NTN4: variants seen among roughly 807,000 people sequenced by gnomAD.
NTN4 encodes netrin 4.
NTN4 carries 32 observed loss-of-function variants against 73.6 expected under a neutral mutation model. That is an observed-to-expected ratio of 0.44 (90% confidence interval 0.33 to 0.58). The LOEUF (loss-of-function observed/expected upper bound fraction) is 0.58, where lower values mean the gene tolerates loss of function less well. Ranked by LOEUF, NTN4 falls within the 20% of genes least tolerant of loss-of-function variation. The pLI is 0.04. For missense variants in NTN4, 654 were observed against 798.3 expected (o/e 0.82, Z 2.18); for synonymous variants, 258 against 287.5 (o/e 0.90, Z 1.04).
intron 2 of NTN4, among the ~76,000 whole-genome samples, chr12:95,773,314 T>A (rs2079070504): frequency 6.6e-6 from 1 of 152,190 alleles, no homozygotes; most frequent in Admixed American, 6.5e-5. Context: ...TCCAATGGCT[T>A]CTAATATCAC....
intron 5 of NTN4, among the ~76,000 whole-genome samples, chr12:95,698,343 A>G (rs150838264): frequency 1.3e-5 from 2 of 152,270 alleles, no homozygotes; most frequent in Admixed American, 6.5e-5. Flanking sequence ...TTCTTTATGC[A>G]CCTTCTAATT....
intron 2 of NTN4, among the ~76,000 whole-genome samples, chr12:95,748,189 C>A (rs2078875598): frequency 6.9e-6 from 1 of 144,482 alleles, no homozygotes; most frequent in African/African-American, 2.6e-5. Context: ...CGAGATCATG[C>A]CACTGCAATC....
rs549785808 is a variant in NTN4 at position 95,709,553 on chromosome 12, T to G, written c.1180+888A>C. On this transcript the variant is annotated intron_variant, in intron 5 of 9. Transcript: ENST00000343702. ...CTCTCTCTCTCTCTTTTTTTTTTTT[T>G]GGAAAGGTTTGGCTCTATTGCTCAG... is the stretch of plus-strand genomic sequence containing the variant. Among the ~76,000 whole-genome samples, 1,014 of 146,520 alleles carry G rather than the reference T, an allele frequency of 6.9e-3. 17 individuals are homozygous for G. Among genetic ancestry groups the G allele is most frequent in the African/African-American group, 0.024 (944 of 39,160 alleles).
At chr12:95,703,885 G>A (rs1470485364) in intron 5 of NTN4, among the ~76,000 whole-genome samples, 3 of 152,136 alleles carry the variant, frequency 2.0e-5, no homozygotes, top group Non-Finnish European at 2.9e-5. Flanking sequence ...TAAATTAAGT[G>A]CATAGAACCC....
intron 9 of NTN4, chr12:95,665,569 A>G: frequency 3.3e-6 from 1 of 302,590 alleles, no homozygotes; most frequent in Admixed American, 4.9e-5. Flanking sequence ...CTCCTCTTTT[A>G]GGATAGAGAG....
chr12:95,772,960 A>G (rs921920881), intron 2 of NTN4, among the ~76,000 whole-genome samples: 2 of 149,888 alleles, frequency 1.3e-5, no homozygotes, highest in Non-Finnish European at 3.0e-5. Flanking sequence ...TCACCCCACC[A>G]CTTAAAATCT....
intron 5 of NTN4, among the ~76,000 whole-genome samples, chr12:95,701,997 T>A (rs1225894300): frequency 6.6e-6 from 1 of 151,982 alleles, no homozygotes; most frequent in African/African-American, 2.4e-5. Context: ...CTGGACAAAC[T>A]GGCTGGGCGC....
chr12:95,715,302 T>C (rs2078597185), intron 3 of NTN4, among the ~76,000 whole-genome samples: 1 of 152,222 alleles, frequency 6.6e-6, no homozygotes, highest in African/African-American at 2.4e-5. Context: ...ATGAAAATTA[T>C]AGAAGTTCTT....
rs199735197 is a variant in NTN4 at position 95,710,441 on chromosome 12, G to A, written c.1180C>T (p.Pro394Ser). The A allele has an allele frequency of 6.2e-5, 100 of 1,610,872 alleles. No homozygotes were observed. In the African/African-American group the frequency reaches 7.5e-4, roughly 12 times the overall value. The change falls in exon 5 of 10, where the codon CCG becomes TCG. Residue 394 changes from proline to serine, a missense_variant and splice_region_variant. Physicochemically the swap from Pro to Ser is moderately conservative, Grantham distance 74. Coordinates refer to ENST00000343702, the MANE Select transcript of NTN4 (RefSeq NM_021229.4). ...TTTCTGGAAACCACAGGTTACTTACGTTTGCAAGCATCTGGAGCTGAGAAG... is the reference window on the plus strand; with the variant it reads ...TTTCTGGAAACCACAGGTTACTTACATTTGCAAGCATCTGGAGCTGAGAAG... ...RPFSAPDACK[P>S]CSCHPVGSAV...
chr12:95,774,570 CTTTGT>C (rs1334604051), intron 2 of NTN4, among the ~76,000 whole-genome samples: 1 of 152,206 alleles, frequency 6.6e-6, no homozygotes, highest in Non-Finnish European at 1.5e-5. Context: ...TCATATAAGA[CTTTGT>C]TTTATCTTTT....
At chr12:95,764,564 C>A (rs1020718988) in intron 2 of NTN4, among the ~76,000 whole-genome samples, 3 of 151,766 alleles carry the variant, frequency 2.0e-5, no homozygotes, top group Admixed American at 6.6e-5. Flanking sequence ...ACTCAGGAGG[C>A]TGAGGCAGGA....
At chr12:95,687,916 G>T (rs1205660824) in intron 5 of NTN4, among the ~76,000 whole-genome samples, 2 of 152,084 alleles carry the variant, frequency 1.3e-5, no homozygotes, top group Non-Finnish European at 2.9e-5. Context: ...GAGCCCATGT[G>T]GGGAATGTGA....
intron 9 of NTN4, among the ~76,000 whole-genome samples, chr12:95,661,335 G>C (rs1232915626): frequency 6.6e-6 from 1 of 152,142 alleles, no homozygotes; most frequent in African/African-American, 2.4e-5. Context: ...CAGCTAATAA[G>C]AGAAGAGAAT....
intron 4 of NTN4, 116 bp from the exon 5 acceptor site, chr12:95,710,745 G>T: frequency 1.1e-6 from 1 of 924,994 alleles, no homozygotes; most frequent in Non-Finnish European, 1.6e-6. Flanking sequence ...GCTCACACCT[G>T]TAATCCCAGC....
At chr12:95,738,213 T>C in intron 2 of NTN4, 69 bp from the exon 3 acceptor site, 2 of 1,392,362 alleles carry the variant, frequency 1.4e-6, no homozygotes, top group South Asian at 2.7e-5. Flanking sequence ...TTGCCTAATG[T>C]AGTCCCTGTT....
intron 5 of NTN4, among the ~76,000 whole-genome samples, chr12:95,702,605 G>A (rs944975092): frequency 2.6e-5 from 4 of 152,038 alleles, no homozygotes; most frequent in African/African-American, 7.2e-5. Context: ...CTCAATATAC[G>A]TCAGCAATTA....
In NTN4 at chr12:95,659,111, T is replaced by C. The variant is rs2078115742; in HGVS notation, c.1862A>G (p.Asp621Gly). Residue 621 changes from aspartate (D) to glycine (G), a missense_variant, in exon 10 of 10, where the codon GAT becomes GGT. Coordinates refer to ENST00000343702, the MANE Select transcript of NTN4 (RefSeq NM_021229.4). ...CTACTTGCACTCTCTTTTTAAAATA[T>C]CCATGACTTTTCTTCCAAGAGAAGG... ...WKPSLGRKVM[D>G]ILKRECK 6.2e-7 allele frequency: 1 copy of C among 1,613,414 alleles called. No homozygotes were observed. Among genetic ancestry groups the C allele is most frequent in the South Asian group, 1.1e-5 (1 of 90,946 alleles).
chr12:95,704,384 G>A (rs1159513279), intron 5 of NTN4, among the ~76,000 whole-genome samples: 2 of 152,036 alleles, frequency 1.3e-5, no homozygotes, highest in Non-Finnish European at 2.9e-5. Context: ...GGAAATAATG[G>A]GGGGAAAACA....
At chr12:95,660,270 C>G (rs1193613546) in intron 9 of NTN4, among the ~76,000 whole-genome samples, 1 of 152,144 alleles carries the variant, frequency 6.6e-6, no homozygotes, top group African/African-American at 2.4e-5. Context: ...CTGCCTCGGC[C>G]TCCCAAAGTG....
Sources: gnomAD v4.1 joint callset for allele counts (sites outside exome capture counted in the v4.1 genomes callset) on GRCh38, gnomAD v4.1.1 for gene constraint, MANE v1.5 for transcripts, NCBI Gene and HGNC (gene_info 2026-07-23, HGNC 2026-07-21) for gene names.